ARMC8: variants seen among roughly 807,000 people sequenced by gnomAD.
The protein encoded by ARMC8 is armadillo repeat-containing protein 8.
ARMC8 carries 20 observed loss-of-function variants against 99.3 expected under a neutral mutation model. That is an observed-to-expected ratio of 0.20 (90% CI 0.14 to 0.29). The LOEUF is 0.29. Ranked by LOEUF, ARMC8 falls within the 10% of genes least tolerant of loss-of-function variation. The pLI, the probability that ARMC8 is intolerant of heterozygous loss-of-function variation, is 1.00. For missense variants in ARMC8, 569 were observed against 809.5 expected (o/e 0.70, Z 3.60); for synonymous variants, 263 against 278.3 (o/e 0.95, Z 0.55).
At chr3:138,252,665 A>G (rs547881005) in intron 12 of ARMC8, among the ~76,000 whole-genome samples, 2 of 132,742 alleles carry the variant, frequency 1.5e-5, no homozygotes, top group East Asian at 5.1e-4. Flanking sequence ...TATGTTGGCC[A>G]GGATGGTCCC....
At chr3:138,277,901 G>A (rs1442931988) in intron 18 of ARMC8, among the ~76,000 whole-genome samples, 4 of 150,886 alleles carry the variant, frequency 2.7e-5, no homozygotes, top group Non-Finnish European at 5.9e-5. Flanking sequence ...TCATATAATG[G>A]GATATCACAG....
chr3:138,229,033 T>C lies in ARMC8; in HGVS notation c.528+23T>C, dbSNP rs748342558. The C allele has an allele frequency of 5.8e-6, 9 of 1,552,904 alleles. 1 individual carries two copies. The South Asian group carries it at 8.9e-5, about 15-fold the overall frequency. On this transcript the variant is annotated intron_variant, in intron 6 of 21. Coordinates refer to ENST00000469044, the MANE Select transcript of ARMC8 (RefSeq NM_001363941.2). ...AAAGTAAGAACCAGAATAAATGTTA[T>C]CTATAATGTAAAATCTTATTATGCC...
intron 14 of ARMC8, among the ~76,000 whole-genome samples, chr3:138,266,287 C>G (rs1357546633): frequency 6.6e-6 from 1 of 152,106 alleles, no homozygotes; most frequent in African/African-American, 2.4e-5. Context: ...TACCTACACT[C>G]TACTCTCCAG....
chr3:138,262,672 G>T, intron 12 of ARMC8: 1 of 1,306,226 alleles, frequency 7.7e-7, no homozygotes, highest in South Asian at 1.9e-5. Flanking sequence ...TGTATGGCCT[G>T]GACATAGGAT....
chr3:138,223,469 T>C lies in ARMC8; in HGVS notation c.275T>C (p.Met92Thr). ...ECAVVLGSLA[M>T]GTENNVKSLL... ...GCAGTGGTGTTGGGAAGTCTTGCTA[T>C]GGGTACTGAAAACAATGTCAAGTCT... is the stretch of plus-strand genomic sequence containing the variant. Residue 92 changes from methionine (M) to threonine (T), a missense_variant, in exon 4 of 22, where the codon ATG (methionine) becomes ACG (threonine). This residue lies in a region of ARMC8 where 342 missense variants were observed against 391.6 expected (regional missense o/e 0.87). Coordinates refer to ENST00000469044, the MANE Select transcript of ARMC8 (RefSeq NM_001363941.2). 5 of 1,614,210 alleles carry C rather than the reference T, an allele frequency of 3.1e-6. No individual in the cohort carries two copies. Among genetic ancestry groups the C allele is most frequent in the Non-Finnish European group, 4.2e-6 (5 of 1,180,036 alleles).
Position 138,273,182 on chromosome 3 carries a change from C to G in ARMC8, c.1629+66C>G, listed in dbSNP as rs925207032. 2.1e-6 allele frequency: 3 copies of G among 1,438,274 alleles called. No homozygotes were observed. In the African/African-American group the frequency reaches 4.3e-5, roughly 21 times the overall value. 89.1% of individuals were successfully genotyped at this position (1,438,274 alleles called of 1,614,324 possible). On this transcript the variant is annotated intron_variant, in intron 17 of 21. Transcript: ENST00000469044. ...CATATGCATTGCAAGACATTGCTCT[C>G]TCTCTGTGCTCTCATTAACATCTGC...
At chr3:138,228,790 C>T in intron 5 of ARMC8, 128 bp from the exon 6 acceptor site, 1 of 621,466 alleles carries the variant, frequency 1.6e-6, no homozygotes, top group Non-Finnish European at 3.0e-6. Flanking sequence ...TTGCACTGTG[C>T]CTTAAGGAGA....
chr3:138,237,476 T>G lies in ARMC8; in HGVS notation c.686-6T>G. ...CCTTAATCATTGTTGTTTGTTTTAT[T>G]TCTAGTTTTGGTTGATGGAGAATTG... On this transcript the variant is annotated splice_region_variant and splice_polypyrimidine_tract_variant and intron_variant, in intron 8 of 21. Transcript: ENST00000469044. 1 of 1,613,568 alleles carries G rather than the reference T, an allele frequency of 6.2e-7. No individual in the cohort carries two copies. The highest frequency in any genetic ancestry group is 8.5e-7 in the Non-Finnish European group (1 of 1,179,618).
At chr3:138,241,351 T>G (rs1308888378) in intron 10 of ARMC8, among the ~76,000 whole-genome samples, 1 of 152,192 alleles carries the variant, frequency 6.6e-6, no homozygotes. Flanking sequence ...ACGATATTAC[T>G]CACTAAGGAA....
At position 138,235,076 on chromosome 3, in the gene ARMC8, C is replaced by T; in HGVS notation, c.571C>T (p.Gln191Ter). 1 of 1,613,810 alleles carries T rather than the reference C, an allele frequency of 6.2e-7. No individual in the cohort carries two copies. The highest frequency in any genetic ancestry group is 1.7e-5 in the Admixed American group (1 of 59,994). ...QTILFNHGAV[Q>*]NIAHLLTSLS... ...AATTTTATTTAACCACGGTGCAGTT[C>T]AGAATATTGCTCACCTACTAACCTC... Residue 191 changes from glutamine (Q) to a stop codon, truncating the protein, a stop_gained, in exon 7 of 22, where the codon CAG (glutamine) becomes TAG (stop). Transcript: ENST00000469044. LOFTEE classifies it high-confidence loss of function.
intron 19 of ARMC8, chr3:138,287,769 A>T (rs1472864314): frequency 2.2e-6 from 1 of 445,862 alleles, no homozygotes; most frequent in Non-Finnish European, 4.6e-6. Context: ...ACATGAGAAG[A>T]TAAGTCTGTC....
intron 10 of ARMC8, among the ~76,000 whole-genome samples, chr3:138,240,248 G>T (rs771924990): frequency 7.9e-5 from 12 of 152,128 alleles, no homozygotes; most frequent in Non-Finnish European, 1.5e-4. Flanking sequence ...TAAGTAAATT[G>T]ATGATGTGTC....
At chr3:138,289,202 TC>T in intron 20 of ARMC8, 82 bp downstream of exon 20, 1 of 1,091,196 alleles carries the variant, frequency 9.2e-7, no homozygotes, top group Non-Finnish European at 1.4e-6. Flanking sequence ...GCCCCTGAGA[TC>T]CTGGGCAGAG....
intron 14 of ARMC8, among the ~76,000 whole-genome samples, chr3:138,265,960 A>C (rs1215591351): frequency 6.6e-6 from 1 of 152,190 alleles, no homozygotes; most frequent in African/African-American, 2.4e-5. Context: ...TGATAGATTG[A>C]GTGTATGATT....
chr3:138,219,927 G>A lies in ARMC8; in HGVS notation c.123-1999G>A, dbSNP rs540263488. On this transcript the variant is annotated intron_variant, in intron 2 of 21. Coordinates refer to ENST00000469044, the MANE Select transcript of ARMC8 (RefSeq NM_001363941.2). Reference sequence around the variant, plus strand: ...GAGATGTTTGGAATGGGTTCATTTGGTAATGTTAGGGACCGCTCATTTCTG... The same window carrying A: ...GAGATGTTTGGAATGGGTTCATTTGATAATGTTAGGGACCGCTCATTTCTG... 2.6e-5 allele frequency among the ~76,000 whole-genome samples: 4 copies of A among 152,288 alleles called. No homozygotes were observed. The East Asian group carries it at 7.7e-4, about 29-fold the overall frequency.
At chr3:138,256,100 G>A (rs1302608652) in intron 12 of ARMC8, among the ~76,000 whole-genome samples, 1 of 152,246 alleles carries the variant, frequency 6.6e-6, no homozygotes, top group Non-Finnish European at 1.5e-5. Flanking sequence ...ACAGGGTATG[G>A]ATGGGAAACC....
chr3:138,289,766 G>T (rs544394001), intron 20 of ARMC8, among the ~76,000 whole-genome samples: 5 of 152,080 alleles, frequency 3.3e-5, no homozygotes, highest in Non-Finnish European at 5.9e-5. Flanking sequence ...GGGTCTCAAG[G>T]CTGGGTTGGC....
rs1366892231 is a variant in ARMC8, at chr3:138,208,948, G to GC, written c.46-867dup. On this transcript the variant is annotated intron_variant, in intron 1 of 21. Coordinates refer to ENST00000469044, the MANE Select transcript of ARMC8 (RefSeq NM_001363941.2). ...CAGTTCAGTTGAGACAGCTTGGGTG[G>GC]CCTACAGATCACTCTAATTCTTAAT... Among the ~76,000 whole-genome samples the GC allele has an allele frequency of 2.0e-5, 3 of 152,104 alleles. No homozygotes were observed. The East Asian group carries it at 5.8e-4, about 29-fold the overall frequency.
chr3:138,187,684 C>G, intron 1 of ARMC8, 85 bp downstream of exon 1: 1 of 1,413,250 alleles, frequency 7.1e-7, no homozygotes, highest in Non-Finnish European at 9.7e-7. Context: ...GGTGTGCCTC[C>G]TGGGCACCAC....
Sources: gnomAD v4.1 joint callset for allele counts (sites outside exome capture counted in the v4.1 genomes callset) on GRCh38, gnomAD v4.1.1 for gene constraint, gnomAD v4.1.1 regional missense constraint, MANE v1.5 for transcripts, NCBI Gene and HGNC (gene_info 2026-07-23, HGNC 2026-07-21) for gene names.